The following CAB39 variants were observed in gnomAD, a reference collection of about 807,000 sequenced individuals.
CAB39 encodes the protein calcium-binding protein 39.
A neutral mutation model predicts 40.0 loss-of-function variants in CAB39; 8 were observed. The observed-to-expected ratio is 0.20, with a 90% CI of 0.12 to 0.36. The LOEUF is 0.36. Among genes scored for constraint, CAB39 ranks in the 10% least tolerant of loss-of-function variants. CAB39 has a pLI of 1.00. For missense variants in CAB39, 270 were observed against 401.1 expected (o/e 0.67, Z 2.79); for synonymous variants, 156 against 141.6 (o/e 1.10, Z -0.72).
intron 2 of CAB39, among the ~76,000 whole-genome samples, chr2:230,790,663 C>G (rs937031945): frequency 1.3e-5 from 2 of 152,120 alleles, no homozygotes; most frequent in Non-Finnish European, 2.9e-5. Context: ...TGCTGGCCTT[C>G]CTGTGGTGTA....
Position 230,818,685 on chromosome 2 carries a change from C to G in CAB39, c.1007C>G (p.Pro336Arg). Residue 336 changes from proline to arginine, a missense_variant, in exon 9 of 9, where the codon CCA becomes CGA. Coordinates refer to ENST00000258418, the MANE Select transcript of CAB39 (RefSeq NM_016289.4). ...LVKQIRDLKR[P>R]AQQEA ...AAACAGATCAGGGATTTGAAGAGAC[C>G]AGCTCAGCAAGAAGCTTAATCTCCA... 6.2e-7 allele frequency: 1 copy of G among 1,613,514 alleles called. No homozygotes were observed.
chr2:230,807,807 C>G (rs1318851353), intron 5 of CAB39, among the ~76,000 whole-genome samples: 1 of 152,174 alleles, frequency 6.6e-6, no homozygotes, highest in South Asian at 2.1e-4. Context: ...AGAATCCAAC[C>G]TCAGTTGAGA....
At chr2:230,806,427 A>G (rs1332206032) in intron 5 of CAB39, among the ~76,000 whole-genome samples, 1 of 152,158 alleles carries the variant, frequency 6.6e-6, no homozygotes, top group African/African-American at 2.4e-5. Flanking sequence ...TCACTCCACT[A>G]TGAGCTTATC....
At chr2:230,745,209 T>C (rs539054141) in intron 1 of CAB39, among the ~76,000 whole-genome samples, 2 of 152,246 alleles carry the variant, frequency 1.3e-5, no homozygotes, top group East Asian at 3.8e-4. Context: ...GAATTAATGG[T>C]CTACTTGACA....
At chr2:230,815,917 C>G (rs566026969) in intron 7 of CAB39, among the ~76,000 whole-genome samples, 1 of 152,186 alleles carries the variant, frequency 6.6e-6, no homozygotes, top group Non-Finnish European at 1.5e-5. Flanking sequence ...TATTTATTCC[C>G]ATATTTATGT....
rs1575919896 is a variant in CAB39, at chr2:230,750,468, T to G, written c.-43-9491T>G. Among the ~76,000 whole-genome samples the G allele has an allele frequency of 2.0e-5, 3 of 152,320 alleles. No individual in the cohort carries two copies. In the South Asian group the frequency reaches 6.2e-4, roughly 32 times the overall value. On this transcript the variant is annotated intron_variant, in intron 1 of 8. Transcript: ENST00000258418. ...TTGTACCTCTCAGCCTCCAGAATCG[T>G]GAGCTAAATAAACCTCTTCCCTTTA...
At chr2:230,814,157 T>C in intron 7 of CAB39, 43 bp downstream of exon 7, 3 of 938,284 alleles carry the variant, frequency 3.2e-6, no homozygotes, top group Non-Finnish European at 5.0e-6. Context: ...CTGTACCTTG[T>C]GTTTGAAATG....
chr2:230,739,558 G>A (rs569625566), intron 1 of CAB39, among the ~76,000 whole-genome samples: 1 of 152,278 alleles, frequency 6.6e-6, no homozygotes, highest in South Asian at 2.1e-4. Flanking sequence ...GGAATGGCGC[G>A]ATCTCTGCTC....
At chr2:230,814,325 A>C (rs1040405803) in intron 7 of CAB39, among the ~76,000 whole-genome samples, 1 of 152,244 alleles carries the variant, frequency 6.6e-6, no homozygotes, top group Non-Finnish European at 1.5e-5. Context: ...AGACACAGAA[A>C]GGGAATGAAC....
At chr2:230,817,732 A>C in intron 7 of CAB39, 22 bp from the exon 8 acceptor site, 1 of 1,538,554 alleles carries the variant, frequency 6.5e-7, no homozygotes, top group Non-Finnish European at 8.8e-7. Flanking sequence ...ATAACAAGGT[A>C]ATTGTTTAAA....
chr2:230,719,422 G>A (rs1694407207), intron 1 of CAB39, among the ~76,000 whole-genome samples: 1 of 152,176 alleles, frequency 6.6e-6, no homozygotes, highest in Admixed American at 6.5e-5. Context: ...TAGTATTTTA[G>A]AATGGAGGTT....
intron 4 of CAB39, among the ~76,000 whole-genome samples, chr2:230,794,924 C>T (rs1042566777): frequency 6.6e-6 from 1 of 152,146 alleles, no homozygotes; most frequent in Non-Finnish European, 1.5e-5. Context: ...ATGTCTAATG[C>T]CCAATCTACA....
At chr2:230,812,310 C>T (rs1343547724) in intron 6 of CAB39, among the ~76,000 whole-genome samples, 1 of 152,086 alleles carries the variant, frequency 6.6e-6, no homozygotes, top group African/African-American at 2.4e-5. Flanking sequence ...TGCTCAACTC[C>T]GATGCAGTTC....
chr2:230,817,938 T>C, intron 8 of CAB39, 41 bp downstream of exon 8: 3 of 1,560,016 alleles, frequency 1.9e-6, no homozygotes, highest in Non-Finnish European at 2.6e-6. Flanking sequence ...CCACTGGAAT[T>C]GTTCGTCGTC....
chr2:230,811,764 C>T (rs934264741), intron 6 of CAB39, among the ~76,000 whole-genome samples: 10 of 152,352 alleles, frequency 6.6e-5, no homozygotes, highest in African/African-American at 1.2e-4. Context: ...ACTTAATAAA[C>T]GTTAGTTCAT....
chr2:230,782,280 G>A (rs781043028), intron 2 of CAB39, among the ~76,000 whole-genome samples: 1 of 151,834 alleles, frequency 6.6e-6, no homozygotes, highest in Non-Finnish European at 1.5e-5. Flanking sequence ...GGTAATATTT[G>A]GATATATTTT....
At chr2:230,815,929 G>A (rs761558864) in intron 7 of CAB39, among the ~76,000 whole-genome samples, 8 of 152,096 alleles carry the variant, frequency 5.3e-5, no homozygotes, top group Non-Finnish European at 8.8e-5. Flanking sequence ...TATTTATGTC[G>A]CCAGCAAATT....
intron 2 of CAB39, among the ~76,000 whole-genome samples, chr2:230,782,755 G>T (rs1242151031): frequency 3.3e-5 from 5 of 150,132 alleles, no homozygotes; most frequent in African/African-American, 1.2e-4. Flanking sequence ...TTCCAACACC[G>T]CAAGTATTTC....
chr2:230,718,432 T>A (rs1414082462), intron 1 of CAB39, among the ~76,000 whole-genome samples: 1 of 152,190 alleles, frequency 6.6e-6, no homozygotes, highest in Non-Finnish European at 1.5e-5. Flanking sequence ...TGTCTGTAGT[T>A]AAGGCCCGCT....
Sources: allele counts gnomAD v4.1 joint callset (sites outside exome capture counted in the v4.1 genomes callset), GRCh38; gene constraint gnomAD v4.1.1; transcripts MANE v1.5; gene names NCBI Gene and HGNC (gene_info 2026-07-23, HGNC 2026-07-21).